The following KAZN variants were observed in gnomAD, a reference collection of about 807,000 sequenced individuals.
KAZN encodes the protein kazrin, periplakin interacting protein, also known as kazrin.
KAZN carries 40 observed loss-of-function variants against 87.4 expected under a neutral mutation model. The ratio of observed to expected loss-of-function variants is 0.46; its 90% CI spans 0.36 to 0.60. The LOEUF (loss-of-function observed/expected upper bound fraction) is 0.60, where lower values mean the gene tolerates loss of function less well. Among genes scored for constraint, KAZN ranks in the 20% least tolerant of loss-of-function variants. The pLI is 0.00. For missense variants in KAZN, 898 were observed against 1,073.9 expected, an observed-to-expected ratio of 0.84 and a Z score of 2.29; for synonymous variants, 466 against 458.3, an observed-to-expected ratio of 1.02 and a Z score of -0.22.
chr1:14,414,956 G>C (rs1444879834), intron 2 of KAZN, among the ~76,000 whole-genome samples: 1 of 152,138 alleles, frequency 6.6e-6, no homozygotes, highest in Non-Finnish European at 1.5e-5. Context: ...AACCCAGGAG[G>C]TAGAAGTTGT....
chr1:14,334,802 CCAGAGAGAGACAGAAG>C, intron 2 of KAZN, among the ~76,000 whole-genome samples: 2 of 151,974 alleles, frequency 1.3e-5, no homozygotes, highest in East Asian at 3.9e-4. Context: ...CTGACTTCCC[CCAGAGAGAGACAGAAG>C]CAGAGAGACA....
intron 2 of KAZN, among the ~76,000 whole-genome samples, chr1:14,990,144 G>A (rs1667210690): frequency 6.6e-6 from 1 of 152,220 alleles, no homozygotes; most frequent in Non-Finnish European, 1.5e-5. Context: ...TCATTCCAAA[G>A]TCCAAAGGGA....
In KAZN at chr1:14,614,833, C is replaced by T. The variant is rs540762397; in HGVS notation, c.226+15610C>T. ...ACTAAGATGCTGATGCAGGGAAGTT[C>T]AGCATCTATAGCACAGGACAGAGAT... On this transcript the variant is annotated intron_variant, in intron 1 of 14. Transcript: ENST00000376030. Among the ~76,000 whole-genome samples the T allele has an allele frequency of 2.0e-5, 3 of 152,302 alleles. No individual in the cohort carries two copies. In the South Asian group the frequency reaches 6.2e-4, roughly 32 times the overall value.
intron 2 of KAZN, among the ~76,000 whole-genome samples, chr1:14,364,679 A>AAACAAC (rs1472039985): frequency 1.3e-5 from 2 of 152,208 alleles, no homozygotes; most frequent in African/African-American, 4.8e-5. Flanking sequence ...GGGTGACTTA[A>AAACAAC]AACAACAGAA....
intron 1 of KAZN, among the ~76,000 whole-genome samples, chr1:14,905,845 AAAT>A (rs59662108): frequency 0.03 from 4,343 of 143,240 alleles, 187 homozygotes; most frequent in African/African-American, 0.092. Flanking sequence ...TCCGTCTCAA[AAAT>A]AATAATAATA....
At chr1:14,254,478 G>A (rs1463887449) in intron 2 of KAZN, among the ~76,000 whole-genome samples, 2 of 152,164 alleles carry the variant, frequency 1.3e-5, no homozygotes, top group Admixed American at 6.5e-5. Context: ...GGATGAAGGA[G>A]CAATAACAGC....
chr1:14,934,372 A>C (rs1462509759), intron 1 of KAZN, among the ~76,000 whole-genome samples: 2 of 146,090 alleles, frequency 1.4e-5, no homozygotes, highest in African/African-American at 5.1e-5. Flanking sequence ...ACGCCCGGCT[A>C]ATTTTTGTAT....
intron 1 of KAZN, among the ~76,000 whole-genome samples, chr1:14,883,337 A>G (rs1199513361): frequency 5.2e-4 from 18 of 34,540 alleles, no homozygotes; most frequent in Admixed American, 1.2e-3. Context: ...AGAGAGAGAG[A>G]GAGAGAAAGA....
intron 4 of KAZN, among the ~76,000 whole-genome samples, chr1:15,051,751 C>A (rs1204831264): frequency 2.0e-5 from 3 of 152,284 alleles, no homozygotes; most frequent in Admixed American, 6.5e-5. Flanking sequence ...TGTGCCAGGG[C>A]CTGGCCACCT....
intron 2 of KAZN, among the ~76,000 whole-genome samples, chr1:14,494,873 T>C (rs148413906): frequency 2.3e-4 from 35 of 152,220 alleles, no homozygotes; most frequent in African/African-American, 8.4e-4. Flanking sequence ...TCTCTGGTCA[T>C]TGGGAGAGAT....
At chr1:14,958,675 G>C in intron 1 of KAZN, among the ~76,000 whole-genome samples, 1 of 152,176 alleles carries the variant, frequency 6.6e-6, no homozygotes, top group African/African-American at 2.4e-5. Flanking sequence ...CATGACCCTC[G>C]GGGGCGAGGA....
intron 1 of KAZN, among the ~76,000 whole-genome samples, chr1:14,652,130 G>A (rs1231662369): frequency 1.3e-5 from 2 of 152,224 alleles, no homozygotes; most frequent in African/African-American, 4.8e-5. Context: ...AAGCTAAGCA[G>A]CAGAAGACAA....
chr1:14,577,336 C>T (rs747996372), intron 2 of KAZN, among the ~76,000 whole-genome samples: 10 of 152,160 alleles, frequency 6.6e-5, no homozygotes, highest in South Asian at 2.1e-4. Flanking sequence ...AAGCTATCTA[C>T]GGGCTCATTG....
At chr1:14,413,287 G>C (rs1053341879) in intron 2 of KAZN, among the ~76,000 whole-genome samples, 13 of 151,866 alleles carry the variant, frequency 8.6e-5, no homozygotes, top group Non-Finnish European at 1.5e-4. Context: ...TACAGAAAGA[G>C]AGAAACCTTT....
At chr1:14,545,024 C>T (rs1050460728) in intron 2 of KAZN, among the ~76,000 whole-genome samples, 2 of 152,182 alleles carry the variant, frequency 1.3e-5, no homozygotes, top group Non-Finnish European at 2.9e-5. Flanking sequence ...GTGGTGTCAC[C>T]TAAACCTGGC....
At chr1:14,330,277 C>T (rs1656751490) in intron 2 of KAZN, among the ~76,000 whole-genome samples, 1 of 152,148 alleles carries the variant, frequency 6.6e-6, no homozygotes, top group Admixed American at 6.5e-5. Context: ...CAAATATAAC[C>T]ACCAAATAAG....
At chr1:14,265,324 A>G (rs549584832) in intron 2 of KAZN, among the ~76,000 whole-genome samples, 11 of 152,318 alleles carry the variant, frequency 7.2e-5, no homozygotes, top group Non-Finnish European at 1.3e-4. Context: ...CTAATCAAAC[A>G]TGATAGTTTG....
intron 2 of KAZN, among the ~76,000 whole-genome samples, chr1:14,965,982 CT>C (rs71306999): frequency 7.0e-4 from 91 of 129,164 alleles, no homozygotes; most frequent in East Asian, 1.1e-3. Flanking sequence ...CTTTCCTTTT[CT>C]TTTTTTTTTT....
intron 2 of KAZN, among the ~76,000 whole-genome samples, chr1:14,418,864 T>A (rs540080012): frequency 6.6e-6 from 1 of 152,154 alleles, no homozygotes; most frequent in Non-Finnish European, 1.5e-5. Flanking sequence ...AGTACACTTG[T>A]GTGTGTGCAA....
Sources: gnomAD v4.1 joint callset for allele counts (sites outside exome capture counted in the v4.1 genomes callset) on GRCh38, gnomAD v4.1.1 for gene constraint, MANE v1.5 for transcripts, NCBI Gene and HGNC (gene_info 2026-07-23, HGNC 2026-07-21) for gene names.